The following SERINC5 variants were observed in gnomAD, a reference collection of about 807,000 sequenced individuals.
SERINC5 encodes serine incorporator 5.
Under a neutral mutation model 63.1 loss-of-function variants are expected in SERINC5, and 41 were observed. The observed-to-expected ratio is 0.65, with a 90% CI of 0.51 to 0.84. The LOEUF (loss-of-function observed/expected upper bound fraction) is 0.84. Among genes scored for constraint, SERINC5 ranks in the 40% least tolerant of loss-of-function variants. SERINC5 has a pLI of 0.00. For missense variants in SERINC5, 523 were observed against 573.0 expected (o/e 0.91, Z 0.89); for synonymous variants, 222 against 215.2 (o/e 1.03, Z -0.28).
chr5:80,182,851 G>A (rs185017426), intron 2 of SERINC5, among the ~76,000 whole-genome samples: 24 of 152,148 alleles, frequency 1.6e-4, no homozygotes, highest in Admixed American at 1.3e-3. Context: ...CAGCCTATCT[G>A]ACCCTTTTTA....
chr5:80,204,244 A>G (rs1750039021), intron 1 of SERINC5, among the ~76,000 whole-genome samples: 1 of 152,204 alleles, frequency 6.6e-6, no homozygotes, highest in South Asian at 2.1e-4. Flanking sequence ...CCCCTGATTC[A>G]TAGCTGGTCA....
chr5:80,250,423 C>G (rs1429423005), intron 1 of SERINC5, among the ~76,000 whole-genome samples: 1 of 152,228 alleles, frequency 6.6e-6, no homozygotes, highest in Non-Finnish European at 1.5e-5. Context: ...CTCACAGCAA[C>G]TTCAGCCTCC....
At chr5:80,158,512 T>A in intron 8 of SERINC5, 1 of 257,282 alleles carries the variant, frequency 3.9e-6, no homozygotes, top group Non-Finnish European at 7.6e-6. Flanking sequence ...TATAGCAAAC[T>A]ACTATTCGAC....
intron 11 of SERINC5, among the ~76,000 whole-genome samples, chr5:80,131,692 C>T (rs954058119): frequency 1.3e-5 from 2 of 152,132 alleles, no homozygotes; most frequent in Admixed American, 6.6e-5. Flanking sequence ...TCAAAGGAAA[C>T]GGGAAGCCAT....
chr5:80,229,026 T>C (rs1378522816), intron 1 of SERINC5, among the ~76,000 whole-genome samples: 1 of 26,490 alleles, frequency 3.8e-5, no homozygotes, highest in African/African-American at 3.7e-4. Flanking sequence ...CATACCTTTT[T>C]TTTTTTTTTT....
At chr5:80,160,796 GTC>G (rs1453784113) in intron 7 of SERINC5, among the ~76,000 whole-genome samples, 2 of 151,744 alleles carry the variant, frequency 1.3e-5, no homozygotes, top group Non-Finnish European at 2.9e-5. Context: ...TGCAGTATTT[GTC>G]TGTGTCTGCT....
chr5:80,207,008 T>C (rs1215203178), intron 1 of SERINC5, among the ~76,000 whole-genome samples: 3 of 151,766 alleles, frequency 2.0e-5, no homozygotes, highest in Non-Finnish European at 2.9e-5. Context: ...TATATATATA[T>C]ATATTTTTTA....
rs996100818 is a variant in SERINC5, at chr5:80,226,874, A to G, written c.28-23821T>C. 2.0e-5 allele frequency among the ~76,000 whole-genome samples: 3 copies of G among 152,188 alleles called. No homozygotes were observed. The South Asian group carries it at 6.2e-4, about 32-fold the overall frequency. On this transcript the variant is annotated intron_variant, in intron 1 of 11. Transcript: ENST00000507668. Reference sequence around the variant, plus strand: ...GCCATTTTTCACAAGTAAGAGGATTATAATTTAAATTTTTGGCATAATATG... The same window carrying G: ...GCCATTTTTCACAAGTAAGAGGATTGTAATTTAAATTTTTGGCATAATATG...
intron 8 of SERINC5, among the ~76,000 whole-genome samples, chr5:80,151,602 G>A (rs1746185347): frequency 6.6e-6 from 1 of 152,250 alleles, no homozygotes; most frequent in South Asian, 2.1e-4. Flanking sequence ...ATCACTTGAG[G>A]CCAGGAGTTT....
At chr5:80,111,592 T>C (rs2112211705), downstream of SERINC5, 1 of 152,336 alleles carries the variant, frequency 6.6e-6, no homozygotes, top group Middle Eastern at 3.4e-3. Context: ...CATTCTTTGA[T>C]GTGCTGGGAG....
At chr5:80,137,689 C>T (rs1228223231), downstream of SERINC5, among the ~76,000 whole-genome samples, 1 of 141,466 alleles carries the variant, frequency 7.1e-6, no homozygotes, top group Non-Finnish European at 1.6e-5. Flanking sequence ...CGTCTGTAAT[C>T]CCAGCACTTT....
intron 1 of SERINC5, among the ~76,000 whole-genome samples, chr5:80,215,941 A>T (rs1483827276): frequency 6.6e-6 from 1 of 152,162 alleles, no homozygotes; most frequent in East Asian, 1.9e-4. Context: ...CACCAGAAGA[A>T]TGTTTATCAA....
In SERINC5 at chr5:80,141,797, A is replaced by T. The variant is rs1234325250; in HGVS notation, c.*1866T>A. 2.0e-6 allele frequency: 2 copies of T among 985,280 alleles called. No homozygotes were observed. The highest frequency in any genetic ancestry group is 2.4e-6 in the Non-Finnish European group (2 of 829,922). The allele number at this position is 985,280 out of a possible 1,614,324, so 61.0% of individuals were successfully genotyped here. The stretch of plus-strand genomic sequence containing the variant: ...CTGCTGAGTACAGAGCTCCTGCCCT[A>T]AAAAAGGAAATTTAATGGAATTTAC... On this transcript the variant is annotated 3_prime_UTR_variant, in exon 12 of 12. Coordinates refer to ENST00000507668, the MANE Select transcript of SERINC5 (RefSeq NM_001174072.3).
chr5:80,125,527 G>T (rs1020862795), intron 11 of SERINC5, among the ~76,000 whole-genome samples: 1 of 152,180 alleles, frequency 6.6e-6, no homozygotes, highest in Non-Finnish European at 1.5e-5. Context: ...TGAGAGTACT[G>T]GGAGGTAGGC....
At chr5:80,217,586 G>A (rs953084524) in intron 1 of SERINC5, among the ~76,000 whole-genome samples, 3 of 152,120 alleles carry the variant, frequency 2.0e-5, no homozygotes, top group African/African-American at 7.2e-5. Flanking sequence ...CCCACCAAAC[G>A]AAATTCTATG....
chr5:80,137,364 G>A (rs1404718001), downstream of SERINC5, among the ~76,000 whole-genome samples: 1 of 152,020 alleles, frequency 6.6e-6, no homozygotes, highest in Non-Finnish European at 1.5e-5. Flanking sequence ...TATGTGGCCA[G>A]GCACAGTGGC....
chr5:80,173,366 T>C (rs756141862), intron 5 of SERINC5, among the ~76,000 whole-genome samples: 17 of 151,740 alleles, frequency 1.1e-4, no homozygotes, highest in South Asian at 2.1e-4. Context: ...GAGGCCGAGG[T>C]GGGCGGATCA....
intron 2 of SERINC5, among the ~76,000 whole-genome samples, chr5:80,183,985 T>C (rs1409119933): frequency 6.6e-6 from 1 of 152,168 alleles, no homozygotes; most frequent in Non-Finnish European, 1.5e-5. Context: ...TGTTTAAACA[T>C]GAGTGATGAA....
At chr5:80,162,415 C>A (rs1270889201) in intron 7 of SERINC5, among the ~76,000 whole-genome samples, 5 of 152,050 alleles carry the variant, frequency 3.3e-5, no homozygotes, top group Non-Finnish European at 7.3e-5. Context: ...GCTCTTTCAC[C>A]CAGTCTGGAG....
Sources: allele counts gnomAD v4.1 joint callset (sites outside exome capture counted in the v4.1 genomes callset), GRCh38; gene constraint gnomAD v4.1.1; transcripts MANE v1.5; gene names NCBI Gene and HGNC (gene_info 2026-07-23, HGNC 2026-07-21).